PRELID3B: variants seen among roughly 807,000 people sequenced by gnomAD.
The protein encoded by PRELID3B is PRELI domain containing 3B.
Under a neutral mutation model 24.0 loss-of-function variants are expected in PRELID3B, and 15 were observed. The observed-to-expected ratio is 0.63, with a 90% CI of 0.42 to 0.96. The LOEUF (loss-of-function observed/expected upper bound fraction) is 0.96, where lower values mean the gene tolerates loss of function less well. PRELID3B is among the 40% of genes least tolerant of loss of function. The pLI is 0.00. For synonymous variants in PRELID3B, 62 were observed against 76.0 expected (o/e 0.82, Z 0.96); for missense variants, 189 against 236.0 (o/e 0.80, Z 1.30).
rs963760274 is a variant in PRELID3B, at chr20:59,040,344, G to A, written c.33-1710C>T. On this transcript the variant is annotated intron_variant, in intron 1 of 5. Coordinates refer to ENST00000355937, the MANE Select transcript of PRELID3B (RefSeq NM_016045.3). This position sits in a 1 kb window ranked among gnomAD's most constrained non-coding sequence, Gnocchi z 4.1. ...ACAATGGAAGACATTCAAAGACCAC[G>A]CCAAAGTAGAATCAGGAGGACCTGG... 1.3e-5 allele frequency among the ~76,000 whole-genome samples: 2 copies of A among 152,188 alleles called. No individual in the cohort carries two copies. The highest frequency in any genetic ancestry group is 2.9e-5 in the Non-Finnish European group (2 of 68,040).
Position 59,041,212 on chromosome 20 carries a change from C to T in PRELID3B, c.32+1487G>A, listed in dbSNP as rs958701470. On this transcript the variant is annotated intron_variant, in intron 1 of 5. Transcript: ENST00000355937. ...TGGAAGAGGACTGAAATTAAACATC[C>T]TCGGAGCTGAAATGGACTAGTGATG... is the stretch of plus-strand genomic sequence containing the variant. 1.1e-4 allele frequency among the ~76,000 whole-genome samples: 16 copies of T among 152,142 alleles called. No individual in the cohort carries two copies. The East Asian group carries it at 3.1e-3, about 29-fold the overall frequency.
Position 59,040,110 on chromosome 20 carries a change from C to T in PRELID3B, c.33-1476G>A, listed in dbSNP as rs1045798305. On this transcript the variant is annotated intron_variant, in intron 1 of 5. Transcript: ENST00000355937. The surrounding 1 kb of genome is among the most constrained non-coding windows in gnomAD (Gnocchi z 4.1). ...CAACCCTCTCTAAAAAATTAATAAT[C>T]GCATGACTTCAGGGTGGTTATGCAT... 3.3e-5 allele frequency among the ~76,000 whole-genome samples: 5 copies of T among 152,288 alleles called. No homozygotes were observed. The highest frequency in any genetic ancestry group is 2.0e-4 in the Admixed American group (3 of 15,296).
chr20:59,037,699 A>G (rs1450217048), intron 2 of PRELID3B, among the ~76,000 whole-genome samples: 2 of 152,222 alleles, frequency 1.3e-5, no homozygotes, highest in Non-Finnish European at 2.9e-5. Flanking sequence ...CATTCTCCAG[A>G]CAGAAAAACA....
intron 2 of PRELID3B, among the ~76,000 whole-genome samples, chr20:59,037,537 G>A (rs2092082451): frequency 1.3e-5 from 2 of 152,240 alleles, no homozygotes; most frequent in African/African-American, 4.8e-5. Context: ...ACGTGAGGCA[G>A]CACGCTGAAT....
At position 59,038,634 on chromosome 20, in the gene PRELID3B, G is replaced by A; in HGVS notation, c.33C>T (p.Asp11=). The change falls in exon 2 of 6, where the codon GAC becomes GAT. Residue 11 remains aspartate (D), a splice_region_variant and synonymous_variant. Transcript: ENST00000355937. MKIWTSEHVF[D]HPWETVTTAA... is the part of the protein sequence containing the mutation. The stretch of plus-strand genomic sequence containing the variant: ...CTGTTGTAACAGTTTCCCACGGGTG[G>A]CTGCCGATGTGAACCAAAAAAAAAA... The A allele has an allele frequency of 6.4e-7, 1 of 1,557,146 alleles. No individual in the cohort carries two copies. Among genetic ancestry groups the A allele is most frequent in the African/African-American group, 1.5e-5 (1 of 67,610 alleles).
intron 2 of PRELID3B, among the ~76,000 whole-genome samples, chr20:59,037,980 A>C (rs931817467): frequency 2.0e-5 from 3 of 152,180 alleles, no homozygotes; most frequent in African/African-American, 7.2e-5. Flanking sequence ...TCCTGGTAAA[A>C]TCTGCTCACT....
chr20:59,035,214 C>A, intron 5 of PRELID3B, 88 bp from the exon 6 acceptor site: 1 of 1,268,150 alleles, frequency 7.9e-7, no homozygotes, highest in South Asian at 1.7e-5. Context: ...TAACAAGGGG[C>A]GTGACAAGTT....
rs200561952 is a variant in PRELID3B, at chr20:59,038,550, C to G, written c.117G>C (p.Leu39Phe). The G allele has an allele frequency of 8.1e-4, 1,303 of 1,613,320 alleles. No individual in the cohort carries two copies. Among genetic ancestry groups the G allele is most frequent in the Non-Finnish European group, 1.0e-3 (1,204 of 1,179,784 alleles). The stretch of plus-strand genomic sequence containing the variant: ...TTCCAGAGGGATCTATATGTCTGTC[C>G]AACACATCAACTCCAACCACACTTG... The part of the protein sequence containing the change: ...MNPSVVGVDV[L>F]DRHIDPSGKL... The change falls in exon 2 of 6, where the codon TTG becomes TTC. Residue 39 changes from leucine to phenylalanine, a missense_variant. By Grantham distance (22) the Leu-to-Phe change is conservative (BLOSUM62 0). Transcript: ENST00000355937.
chr20:59,038,387 A>G (rs1313496191), intron 2 of PRELID3B, 79 bp downstream of exon 2: 5 of 1,267,702 alleles, frequency 3.9e-6, no homozygotes, highest in Non-Finnish European at 5.4e-6. Context: ...CGGCTCCCAC[A>G]ACCTATTTGA....
At chr20:59,037,700 C>G (rs1050183022) in intron 2 of PRELID3B, among the ~76,000 whole-genome samples, 1 of 152,240 alleles carries the variant, frequency 6.6e-6, no homozygotes, top group Non-Finnish European at 1.5e-5. Context: ...ATTCTCCAGA[C>G]AGAAAAACAG....
chr20:59,038,204 G>GA, intron 2 of PRELID3B: 1 of 341,654 alleles, frequency 2.9e-6, no homozygotes, highest in Non-Finnish European at 5.3e-6. Context: ...GGCAAAAGCA[G>GA]AAAAAGCAGA....
chr20:59,041,451 A>C (rs958815154), intron 1 of PRELID3B, among the ~76,000 whole-genome samples: 1 of 152,152 alleles, frequency 6.6e-6, no homozygotes, highest in Non-Finnish European at 1.5e-5. Flanking sequence ...AGTGGCCCAC[A>C]CCTGTAATCC....
At position 59,038,557 on chromosome 20, in the gene PRELID3B, T is replaced by C; in HGVS notation, c.110A>G (p.Asp37Gly). Reference protein sequence around the residue: ...NPMNPSVVGVDVLDRHIDPSG... With the variant: ...NPMNPSVVGVGVLDRHIDPSG... ...GGGATCTATATGTCTGTCCAACACATCAACTCCAACCACACTTGGGTTCAT... is the reference window on the plus strand; with the variant it reads ...GGGATCTATATGTCTGTCCAACACACCAACTCCAACCACACTTGGGTTCAT... The change falls in exon 2 of 6, where the codon GAT (aspartate) becomes GGT (glycine). Residue 37 changes from aspartate (D) to glycine (G), a missense_variant. Asp to Gly is a moderately conservative substitution (Grantham distance 94). Coordinates refer to ENST00000355937, the MANE Select transcript of PRELID3B (RefSeq NM_016045.3). The C allele has an allele frequency of 6.2e-7, 1 of 1,612,764 alleles. No homozygotes were observed. The highest frequency in any genetic ancestry group is 2.2e-5 in the East Asian group (1 of 44,830).
At position 59,033,716 on chromosome 20, in the gene PRELID3B, ATAAAG is replaced by A. The variant is rs1317365659; in HGVS notation, c.*1286_*1290del. ...AGTTTATCACACTAAGCACTGTAAA[ATAAAG>A]GCAAGAGCTAATCATCTTCTAGCAA... On this transcript the variant is annotated 3_prime_UTR_variant, in exon 6 of 6. Coordinates refer to ENST00000355937, the MANE Select transcript of PRELID3B (RefSeq NM_016045.3). 1 of 152,252 alleles carries A rather than the reference ATAAAG, an allele frequency of 6.6e-6. No individual in the cohort carries two copies. Among genetic ancestry groups the A allele is most frequent in the Non-Finnish European group, 1.5e-5 (1 of 68,048 alleles). 9.4% of individuals were successfully genotyped at this position (152,252 alleles called of 1,614,324 possible).
rs1193536420 is a variant in PRELID3B at position 59,033,901 on chromosome 20, A to AG, written c.*1105_*1106insC. The AG allele has an allele frequency of 1.3e-5, 2 of 152,120 alleles. No homozygotes were observed. The highest frequency in any genetic ancestry group is 4.8e-5 in the African/African-American group (2 of 41,424). The allele number at this position is 152,120 out of a possible 1,614,324, so 9.4% of individuals were successfully genotyped here. A position where few individuals can be genotyped will look rare whatever the true frequency, so the allele number is the denominator to read the frequency against. On this transcript the variant is annotated 3_prime_UTR_variant, in exon 6 of 6. Transcript: ENST00000355937. ...AAATAAGGAATTCCCGTTAAGTAAA[A>AG]CCTGCAGTGCAATTCACTCAGTGGT...
rs569622251 is a variant in PRELID3B, at chr20:59,035,115, T to A, written c.477A>T (p.Ala159=). 53 of 1,611,510 alleles carry A rather than the reference T, an allele frequency of 3.3e-5. No individual in the cohort carries two copies. The South Asian group carries it at 5.7e-4, about 17-fold the overall frequency. ...ISSNASKGRE[A]MEWVIHKLNA... is the part of the protein sequence containing the mutation. The stretch of plus-strand genomic sequence containing the variant: ...TTAATTTATGTATTACCCATTCCAT[T>A]GCTTCTCGGCCCTTAAAAAAAATCC... Residue 159 remains alanine (A), a synonymous_variant, in exon 6 of 6, where the codon GCA becomes GCT. Coordinates refer to ENST00000355937, the MANE Select transcript of PRELID3B (RefSeq NM_016045.3).
In PRELID3B at chr20:59,040,866, T is replaced by C. The variant is rs1026143529; in HGVS notation, c.32+1833A>G. ...GACTTTGACCAAACAGCTCAGATTA[T>C]GTGGGGAGAAAGCACGGATCAGGGC... On this transcript the variant is annotated intron_variant, in intron 1 of 5. Coordinates refer to ENST00000355937, the MANE Select transcript of PRELID3B (RefSeq NM_016045.3). The surrounding 1 kb of genome is among the most constrained non-coding windows in gnomAD (Gnocchi z 4.1). Among the ~76,000 whole-genome samples the C allele has an allele frequency of 2.0e-5, 3 of 152,092 alleles. No homozygotes were observed. Among genetic ancestry groups the C allele is most frequent in the African/African-American group, 7.2e-5 (3 of 41,414 alleles).
intron 1 of PRELID3B, 60 bp downstream of exon 1, chr20:59,042,639 C>T (rs2146397327): frequency 1.3e-6 from 2 of 1,550,772 alleles, no homozygotes; most frequent in Non-Finnish European, 8.7e-7. Context: ...CTCTGCCTCG[C>T]CTCTACTCCA....
In PRELID3B at chr20:59,034,906, A is replaced by AC; in HGVS notation, c.*100_*101insG. 2 of 1,160,820 alleles carry AC rather than the reference A, an allele frequency of 1.7e-6. No homozygotes were observed. Among genetic ancestry groups the AC allele is most frequent in the Non-Finnish European group, 2.3e-6 (2 of 886,242 alleles). 71.9% of individuals were successfully genotyped at this position (1,160,820 alleles called of 1,614,324 possible). ...CCAACTTATCAAAAAAAAAAAAAAA[A>AC]AAACTACCCAAAATATAGTTGTATT... is the stretch of plus-strand genomic sequence containing the variant. On this transcript the variant is annotated 3_prime_UTR_variant, in exon 6 of 6. Transcript: ENST00000355937.
Sources: gnomAD v4.1 joint callset for allele counts (sites outside exome capture counted in the v4.1 genomes callset) on GRCh38, gnomAD v4.1.1 for gene constraint, Gnocchi (gnomAD v3.1) non-coding constraint, MANE v1.5 for transcripts, NCBI Gene and HGNC (gene_info 2026-07-23, HGNC 2026-07-21) for gene names.